Variants in COL14A1 observed in about 807,000 individuals in gnomAD.
COL14A1 encodes the protein collagen alpha-1(XIV) chain.
COL14A1 carries 136 observed loss-of-function variants against 230.3 expected under a neutral mutation model. That is an observed-to-expected ratio of 0.59 (90% CI 0.51 to 0.68). The LOEUF (loss-of-function observed/expected upper bound fraction) is 0.68. COL14A1 is among the 30% of genes least tolerant of loss of function. COL14A1 has a pLI of 0.00. For synonymous variants in COL14A1, 792 were observed against 784.1 expected (o/e 1.01, Z -0.17); for missense variants, 1,976 against 2,215.8 (o/e 0.89, Z 2.17).
chr8:120,216,904 C>T (rs184227820), intron 14 of COL14A1, among the ~76,000 whole-genome samples: 218 of 152,294 alleles, frequency 1.4e-3, no homozygotes, highest in Non-Finnish European at 2.7e-3. Flanking sequence ...TAAGTAGAAG[C>T]TGTACCACCA....
At chr8:120,308,614 C>G (rs1431768105) in intron 36 of COL14A1, among the ~76,000 whole-genome samples, 1 of 152,078 alleles carries the variant, frequency 6.6e-6, no homozygotes, top group East Asian at 1.9e-4. Context: ...AGATGAGCAA[C>G]TAATTGATAA....
intron 24 of COL14A1, among the ~76,000 whole-genome samples, chr8:120,266,563 T>C (rs990193762): frequency 2.0e-5 from 3 of 152,052 alleles, no homozygotes; most frequent in African/African-American, 7.2e-5. Context: ...AGAACCACTT[T>C]GTAGTTGACA....
At chr8:120,133,312 A>C (rs974413768) in intron 1 of COL14A1, among the ~76,000 whole-genome samples, 1 of 152,062 alleles carries the variant, frequency 6.6e-6, no homozygotes, top group Non-Finnish European at 1.5e-5. Flanking sequence ...AACTGGAAAA[A>C]ATAATACTGA....
chr8:120,173,331 CTTAAG>C (rs1450347653), intron 5 of COL14A1, among the ~76,000 whole-genome samples: 2 of 152,112 alleles, frequency 1.3e-5, no homozygotes, highest in South Asian at 2.1e-4. Context: ...CCCATCATCC[CTTAAG>C]TTATTTCTTA....
intron 1 of COL14A1, among the ~76,000 whole-genome samples, chr8:120,130,379 A>G (rs550403679): frequency 1.9e-4 from 29 of 152,120 alleles, no homozygotes; most frequent in Admixed American, 1.6e-3. Context: ...TTCTGCCTTT[A>G]TACTGTTTTC....
At position 120,351,621 on chromosome 8, in the gene COL14A1, T is replaced by A. The variant is rs1331102462; in HGVS notation, c.5077+6058T>A. ...AATACTACCAACACCTCTATGCAAATAAACTAGAAAATCTAGAAGAAATGG... is the reference window on the plus strand; with the variant it reads ...AATACTACCAACACCTCTATGCAAAAAAACTAGAAAATCTAGAAGAAATGG... On this transcript the variant is annotated intron_variant, in intron 45 of 47. Coordinates refer to ENST00000297848, the MANE Select transcript of COL14A1 (RefSeq NM_021110.4). Among the ~76,000 whole-genome samples the A allele has an allele frequency of 1.1e-4, 16 of 140,230 alleles. No individual in the cohort carries two copies. In the East Asian group the frequency reaches 2.3e-3, roughly 20 times the overall value. The allele number at this position is 140,230 out of a possible 152,430, so 92.0% of individuals were successfully genotyped here. A position where few individuals can be genotyped will look rare whatever the true frequency, so the allele number is the denominator to read the frequency against.
chr8:120,222,613 G>A (rs368518977), intron 14 of COL14A1, among the ~76,000 whole-genome samples: 4 of 152,174 alleles, frequency 2.6e-5, no homozygotes, highest in East Asian at 1.9e-4. Flanking sequence ...TTTTTCCAGG[G>A]TTGGCACTCT....
intron 10 of COL14A1, 35 bp downstream of exon 10, chr8:120,207,129 T>G: frequency 6.4e-7 from 1 of 1,567,958 alleles, no homozygotes; most frequent in East Asian, 2.3e-5. Context: ...ACCATTCTTT[T>G]TATTCTCTCA....
rs760021018 is a variant in COL14A1, at chr8:120,162,573, C to A, written c.349+4C>A. The stretch of plus-strand genomic sequence containing the variant: ...CCAGCTCAAGGCCAATTCAGAAGTA[C>A]GTATTTACAGTTCTCAAAGCACCTC... On this transcript the variant is annotated splice_donor_region_variant and intron_variant, in intron 4 of 47. Transcript: ENST00000297848. 61 of 1,598,962 alleles carry A rather than the reference C, an allele frequency of 3.8e-5. No homozygotes were observed. Among genetic ancestry groups the A allele is most frequent in the Admixed American group, 3.7e-4 (21 of 57,366 alleles).
intron 25 of COL14A1, 63 bp downstream of exon 25, chr8:120,266,946 C>T: frequency 2.2e-6 from 3 of 1,375,728 alleles, no homozygotes; most frequent in Non-Finnish European, 3.1e-6. Context: ...TTTTGTTTGC[C>T]TGTTCATTTC....
chr8:120,193,593 C>A (rs1816912801), intron 5 of COL14A1, among the ~76,000 whole-genome samples: 1 of 152,204 alleles, frequency 6.6e-6, no homozygotes, highest in Non-Finnish European at 1.5e-5. Flanking sequence ...CAGACAGGGA[C>A]ATTTAAGTCT....
At chr8:120,145,017 T>A (rs560708773) in intron 1 of COL14A1, among the ~76,000 whole-genome samples, 2 of 152,278 alleles carry the variant, frequency 1.3e-5, no homozygotes, top group Non-Finnish European at 2.9e-5. Flanking sequence ...ACTAAGTATA[T>A]ATGAGTTAAA....
chr8:120,323,702 G>A (rs1397347456), intron 40 of COL14A1, among the ~76,000 whole-genome samples: 1 of 151,876 alleles, frequency 6.6e-6, no homozygotes, highest in African/African-American at 2.4e-5. Flanking sequence ...TTTTTTGTCA[G>A]GTTTCTCAAA....
intron 19 of COL14A1, among the ~76,000 whole-genome samples, chr8:120,235,707 T>A (rs1176178807): frequency 6.6e-6 from 1 of 152,196 alleles, no homozygotes; most frequent in Non-Finnish European, 1.5e-5. Context: ...AACTGTGATG[T>A]TAGGATGTCG....
intron 13 of COL14A1, among the ~76,000 whole-genome samples, chr8:120,213,036 G>T (rs1315612764): frequency 1.3e-5 from 2 of 152,162 alleles, no homozygotes; most frequent in Admixed American, 6.5e-5. Context: ...TCAGCACATA[G>T]TTACTGAATA....
chr8:120,356,024 A>G (rs1822972677), intron 45 of COL14A1, among the ~76,000 whole-genome samples: 1 of 152,170 alleles, frequency 6.6e-6, no homozygotes, highest in African/African-American at 2.4e-5. Context: ...ACACTACCTC[A>G]TTTGGGTAAA....
chr8:120,264,183 G>A (rs773977330), intron 24 of COL14A1, among the ~76,000 whole-genome samples: 5 of 152,016 alleles, frequency 3.3e-5, no homozygotes, highest in Middle Eastern at 3.2e-3. Flanking sequence ...TGCCTTTTCT[G>A]GACATTTCAC....
chr8:120,272,121 A>G (rs890654013), intron 26 of COL14A1, among the ~76,000 whole-genome samples: 1 of 151,686 alleles, frequency 6.6e-6, no homozygotes, highest in Admixed American at 6.6e-5. Context: ...ACAAGACAGG[A>G]GAGATTAGGG....
In COL14A1 at chr8:120,258,218, C is replaced by T. The variant is rs111771309; in HGVS notation, c.2869+2862C>T. 6.2e-3 allele frequency among the ~76,000 whole-genome samples: 942 copies of T among 152,284 alleles called. 9 individuals carry two copies. Among genetic ancestry groups the T allele is most frequent in the African/African-American group, 0.021 (882 of 41,556 alleles). On this transcript the variant is annotated intron_variant, in intron 23 of 47. Coordinates refer to ENST00000297848, the MANE Select transcript of COL14A1 (RefSeq NM_021110.4). ...AATTTCCTAGAGATAAAGTCTTGCTCCTTCTTGTGTTCTGCTCTTCTATGC... is the reference window on the plus strand; with the variant it reads ...AATTTCCTAGAGATAAAGTCTTGCTTCTTCTTGTGTTCTGCTCTTCTATGC...
Sources: allele counts gnomAD v4.1 joint callset (sites outside exome capture counted in the v4.1 genomes callset), GRCh38; gene constraint gnomAD v4.1.1; transcripts MANE v1.5; gene names NCBI Gene and HGNC (gene_info 2026-07-23, HGNC 2026-07-21).